CARNS1: variants seen among roughly 807,000 people sequenced by gnomAD.
CARNS1 encodes ATP-grasp domain containing 1.
A neutral mutation model predicts 74.0 loss-of-function variants in CARNS1; 61 were observed. That is an observed-to-expected ratio of 0.82 (90% CI 0.67 to 1.02). The LOEUF is 1.02. CARNS1 is among the 50% of genes least tolerant of loss of function. The pLI is 0.00. For synonymous variants in CARNS1, 568 were observed against 605.5 expected (o/e 0.94, Z 0.91); for missense variants, 1,278 against 1,308.4 (o/e 0.98, Z 0.36).
At position 67,419,848 on chromosome 11, in the gene CARNS1, G is replaced by T; in HGVS notation, c.1113+10G>T. 6.4e-7 allele frequency: 1 copy of T among 1,564,160 alleles called. No individual in the cohort carries two copies. Among genetic ancestry groups the T allele is most frequent in the South Asian group, 1.2e-5 (1 of 85,126 alleles). ...GCCACTGCTGAGCAAGGTGAGCGTG[G>T]CCCAGGCCCAGGCTGTGACCCTGCC... On this transcript the variant is annotated intron_variant, in intron 7 of 9. Transcript: ENST00000687366.
In CARNS1 at chr11:67,418,486, G is replaced by A. The variant is rs1482016734; in HGVS notation, c.330G>A (p.Leu110=). 9 of 1,509,242 alleles carry A rather than the reference G, an allele frequency of 6.0e-6. No homozygotes were observed. The East Asian group carries it at 1.7e-4, about 29-fold the overall frequency. 93.5% of individuals were successfully genotyped at this position (1,509,242 alleles called of 1,614,324 possible). ...LCVLGSPSTF[L]PVLLEGGVQS... is the part of the protein sequence containing the mutation. Reference sequence around the variant, plus strand: ...TTCTGGGCTCCCCCAGCACCTTTCTGCCTGTGCTGCTGGAGGGTGGGGTCC... The same window carrying A: ...TTCTGGGCTCCCCCAGCACCTTTCTACCTGTGCTGCTGGAGGGTGGGGTCC... The change falls in exon 4 of 10, where the codon CTG becomes CTA. Residue 110 remains leucine, a synonymous_variant. Coordinates refer to ENST00000687366, the MANE Select transcript of CARNS1 (RefSeq NM_001166222.2).
chr11:67,416,219 C>T lies in CARNS1; in HGVS notation c.3+17C>T, dbSNP rs1233944758. 3.3e-6 allele frequency: 5 copies of T among 1,536,562 alleles called. No homozygotes were observed. The highest frequency in any genetic ancestry group is 1.4e-5 in the African/African-American group (1 of 73,014). ...CACGAGATGGTGAGTCTTCTGTGGT[C>T]CCTCCCCCACAAGGCCCAAGTCCCT... is the stretch of plus-strand genomic sequence containing the variant. On this transcript the variant is annotated intron_variant, in intron 2 of 9. Coordinates refer to ENST00000687366, the MANE Select transcript of CARNS1 (RefSeq NM_001166222.2).
At position 67,424,642 on chromosome 11, in the gene CARNS1, C is replaced by G; in HGVS notation, c.*41C>G. ...GCAGGGAAGCAGTGCTGGGTGGAGGCACTGTGGTGCCCTCTGCTCCCTGGA... is the reference window on the plus strand; with the variant it reads ...GCAGGGAAGCAGTGCTGGGTGGAGGGACTGTGGTGCCCTCTGCTCCCTGGA... On this transcript the variant is annotated 3_prime_UTR_variant, in exon 10 of 10. Transcript: ENST00000687366. 5.1e-6 allele frequency: 8 copies of G among 1,554,714 alleles called. No homozygotes were observed. The highest frequency in any genetic ancestry group is 6.9e-6 in the Non-Finnish European group (8 of 1,151,604).
Position 67,423,481 on chromosome 11 carries a change from T to A in CARNS1, c.1733T>A (p.Leu578Gln). 3 of 1,614,064 alleles carry A rather than the reference T, an allele frequency of 1.9e-6. No homozygotes were observed. Among genetic ancestry groups the A allele is most frequent in the Non-Finnish European group, 2.5e-6 (3 of 1,179,896 alleles). ...EHRRDEENAR[L>Q]LAELVRARGL... ...CGGAGGGATGAGGAGAACGCACGGC[T>A]GCTGGCAGAGTTGGTGCGGGCTCGC... is the stretch of plus-strand genomic sequence containing the variant. The change falls in exon 10 of 10, where the codon CTG (leucine) becomes CAG (glutamine). Residue 578 changes from leucine to glutamine, a missense_variant. By Grantham distance (113) the Leu-to-Gln change is moderately radical. Around this residue, in one of 3 missense-constraint regions of CARNS1, gnomAD observed 1,164 missense variants for 1,156.5 expected, o/e 1.01. Coordinates refer to ENST00000687366, the MANE Select transcript of CARNS1 (RefSeq NM_001166222.2). The surrounding 1 kb of genome is among the most constrained non-coding windows in gnomAD (Gnocchi z 5.1).
At chr11:67,421,356 C>A in intron 9 of CARNS1, 137 bp downstream of exon 9, 1 of 1,023,612 alleles carries the variant, frequency 9.8e-7, no homozygotes, top group Non-Finnish European at 1.3e-6. Flanking sequence ...TTGGGCGGGG[C>A]ATCCTGGCCA....
In CARNS1 at chr11:67,421,028, G is replaced by A. The variant is rs1863682763; in HGVS notation, c.1435G>A (p.Ala479Thr). The stretch of plus-strand genomic sequence containing the variant: ...CGGCCTGTGTCTGGAGGCGTGCGGC[G>A]CGCTGGAGGGGCTGTGGGCCGCGCC... ...NGGLCLEACG[A>T]LEGLWAAPRL... Residue 479 changes from alanine (A) to threonine (T), a missense_variant, in exon 9 of 10, where the codon GCG (alanine) becomes ACG (threonine). Coordinates refer to ENST00000687366, the MANE Select transcript of CARNS1 (RefSeq NM_001166222.2). The A allele has an allele frequency of 1.5e-6, 2 of 1,366,002 alleles. No homozygotes were observed. Among genetic ancestry groups the A allele is most frequent in the South Asian group, 1.7e-5 (1 of 58,374 alleles). The allele number at this position is 1,366,002 out of a possible 1,614,324, so 84.6% of individuals were successfully genotyped here.
chr11:67,421,295 T>G, intron 9 of CARNS1, 76 bp downstream of exon 9: 1 of 1,340,320 alleles, frequency 7.5e-7, no homozygotes, highest in South Asian at 1.7e-5. Flanking sequence ...GGGCGGGGCC[T>G]GGAGCAAAGG....
chr11:67,418,359 GAGGTGGTGGA>G (rs550455121), intron 3 of CARNS1, 62 bp from the exon 4 acceptor site: 3 of 1,117,766 alleles, frequency 2.7e-6, no homozygotes, highest in Non-Finnish European at 3.6e-6. Context: ...CGTGGGTGTG[GAGGTGGTGGA>G]AGGTGGGCAG....
Position 67,416,546 on chromosome 11 carries a change from T to TTC in CARNS1, c.3+348_3+349dup, listed in dbSNP as rs1276849164. On this transcript the variant is annotated intron_variant, in intron 2 of 9. Transcript: ENST00000687366. Reference sequence around the variant, plus strand: ...ACACCATCTCCCAACAACCAAGAGATTCTCTTCGTCCCAGCCTCATCAGCC... The same window carrying TTC: ...ACACCATCTCCCAACAACCAAGAGATTCTCTCTTCGTCCCAGCCTCATCAGCC... The TTC allele has an allele frequency of 1.3e-5, 15 of 1,135,548 alleles. No homozygotes were observed. The African/African-American group carries it at 2.1e-4, about 16-fold the overall frequency. 70.3% of individuals were successfully genotyped at this position (1,135,548 alleles called of 1,614,324 possible). A position where few individuals can be genotyped will look rare whatever the true frequency, so the allele number is the denominator to read the frequency against.
chr11:67,420,898 G>A, intron 8 of CARNS1, 41 bp from the exon 9 acceptor site: 1 of 1,342,396 alleles, frequency 7.4e-7, no homozygotes, highest in Non-Finnish European at 9.5e-7. Flanking sequence ...CTGGAGGGCG[G>A]TGGCTGCCGT....
At chr11:67,420,460 G>A (rs7116138) in intron 7 of CARNS1, 149 bp from the exon 8 acceptor site, 1 of 433,516 alleles carries the variant, frequency 2.3e-6, no homozygotes, top group Non-Finnish European at 3.8e-6. Flanking sequence ...GTGGCAGGGA[G>A]AGCTCGTGTG....
At chr11:67,422,471 C>A (rs1174724288) in intron 9 of CARNS1, among the ~76,000 whole-genome samples, 1 of 152,134 alleles carries the variant, frequency 6.6e-6, no homozygotes, top group African/African-American at 2.4e-5. Context: ...GCGTGAGCCA[C>A]CAGCCCGGCC....
Position 67,419,114 on chromosome 11 carries a change from G to A in CARNS1, c.723G>A (p.Leu241=). 1.9e-6 allele frequency: 3 copies of A among 1,573,328 alleles called. No individual in the cohort carries two copies. The highest frequency in any genetic ancestry group is 2.3e-5 in the East Asian group (1 of 43,084). Reference sequence around the variant, plus strand: ...CTTTCACCTACAAGCCGCCGGGGCTGCTGCGGGGAGGGGATGCCAGCCTAG... The same window carrying A: ...CTTTCACCTACAAGCCGCCGGGGCTACTGCGGGGAGGGGATGCCAGCCTAG... ...TLAFTYKPPG[L]LRGGDASLGL... is the part of the protein sequence containing the mutation. The change falls in exon 5 of 10, where the codon CTG becomes CTA. Residue 241 remains leucine (L), a synonymous_variant. Transcript: ENST00000687366.
In CARNS1 at chr11:67,420,996, T is replaced by C. The variant is rs1022594070; in HGVS notation, c.1403T>C (p.Leu468Pro). ...GGVLTPVALE[L>P]NGGLCLEACG... ...GTGCTGACCCCAGTGGCCCTGGAGC[T>C]GAACGGCGGCCTGTGTCTGGAGGCG... The change falls in exon 9 of 10, where the codon CTG becomes CCG. Residue 468 changes from leucine (L) to proline (P), a missense_variant. By Grantham distance (98) the Leu-to-Pro change is moderately conservative. Transcript: ENST00000687366. 7.0e-7 allele frequency: 1 copy of C among 1,421,788 alleles called. No homozygotes were observed. Among genetic ancestry groups the C allele is most frequent in the Admixed American group, 2.8e-5 (1 of 35,398 alleles). 88.1% of individuals were successfully genotyped at this position (1,421,788 alleles called of 1,614,324 possible). A position where few individuals can be genotyped will look rare whatever the true frequency, so the allele number is the denominator to read the frequency against.
chr11:67,416,505 C>G lies in CARNS1; in HGVS notation c.3+303C>G, dbSNP rs1056862601. 3.4e-5 allele frequency: 42 copies of G among 1,248,940 alleles called. No individual in the cohort carries two copies. In the African/African-American group the frequency reaches 5.6e-4, roughly 17 times the overall value. 77.4% of individuals were successfully genotyped at this position (1,248,940 alleles called of 1,614,324 possible). On this transcript the variant is annotated intron_variant, in intron 2 of 9. Transcript: ENST00000687366. ...CCCAGGCATGAGGCCCAGTCCTCTG[C>G]CGTCTGGGCCACAGCACACCATCTC...
rs1863690964 is a variant in CARNS1, at chr11:67,421,178, A to C, written c.1585A>C (p.Lys529Gln). 6.7e-7 allele frequency: 1 copy of C among 1,496,492 alleles called. No individual in the cohort carries two copies. The highest frequency in any genetic ancestry group is 2.9e-5 in the East Asian group (1 of 34,564). The allele number at this position is 1,496,492 out of a possible 1,614,324, so 92.7% of individuals were successfully genotyped here. Residue 529 changes from lysine to glutamine, a missense_variant, in exon 9 of 10, where the codon AAG becomes CAG. Lys to Gln is a moderately conservative substitution (Grantham distance 53, BLOSUM62 1). Around this residue, in one of 3 missense-constraint regions of CARNS1, gnomAD observed 1,164 missense variants for 1,156.5 expected, o/e 1.01. Coordinates refer to ENST00000687366, the MANE Select transcript of CARNS1 (RefSeq NM_001166222.2). ...LLVVGAGGVS[K>Q]KFVWEAARDY... ...GGTGGTCGGCGCTGGCGGCGTCAGC[A>C]AGAAGTTCGTGTGGGAGGCGGCGCG...
chr11:67,416,052 CCT>C (rs1204406572), intron 1 of CARNS1, 122 bp from the exon 2 acceptor site: 21 of 697,168 alleles, frequency 3.0e-5, no homozygotes, highest in Non-Finnish European at 4.9e-5. Flanking sequence ...GCTGCCTTGG[CCT>C]CTCTCTGCAG....
Position 67,419,132 on chromosome 11 carries a change from C to T in CARNS1, c.741C>T (p.Ala247=). Reference sequence around the variant, plus strand: ...CGGGGCTGCTGCGGGGAGGGGATGCCAGCCTAGGGCTACGGCTGGTGGAGC... The same window carrying T: ...CGGGGCTGCTGCGGGGAGGGGATGCTAGCCTAGGGCTACGGCTGGTGGAGC... The part of the protein sequence containing the change: ...KPPGLLRGGD[A]SLGLRLVELS... The change falls in exon 5 of 10, where the codon GCC becomes GCT. Residue 247 remains alanine, a synonymous_variant. Coordinates refer to ENST00000687366, the MANE Select transcript of CARNS1 (RefSeq NM_001166222.2). 1 of 1,572,816 alleles carries T rather than the reference C, an allele frequency of 6.4e-7. No individual in the cohort carries two copies. The highest frequency in any genetic ancestry group is 1.7e-4 in the Middle Eastern group (1 of 5,898).
At position 67,424,516 on chromosome 11, in the gene CARNS1, G is replaced by T; in HGVS notation, c.2768G>T (p.Arg923Leu). The change falls in exon 10 of 10, where the codon CGT becomes CTT. Residue 923 changes from arginine to leucine, a missense_variant. Around this residue, in one of 3 missense-constraint regions of CARNS1, gnomAD observed 1,164 missense variants for 1,156.5 expected, o/e 1.01. Coordinates refer to ENST00000687366, the MANE Select transcript of CARNS1 (RefSeq NM_001166222.2). The stretch of plus-strand genomic sequence containing the variant: ...GCCGGACCCAGCCCCACCGAGGCCC[G>T]TCTCCGCCTGCTGGGCCTCTGCCAG... ...ACAGPSPTEA[R>L]LRLLGLCQGL... 1 of 1,594,226 alleles carries T rather than the reference G, an allele frequency of 6.3e-7. No individual in the cohort carries two copies. Among genetic ancestry groups the T allele is most frequent in the Non-Finnish European group, 8.5e-7 (1 of 1,172,092 alleles).
Sources: allele counts gnomAD v4.1 joint callset (sites outside exome capture counted in the v4.1 genomes callset), GRCh38; gene constraint gnomAD v4.1.1; regional missense constraint gnomAD v4.1.1; non-coding constraint Gnocchi (gnomAD v3.1); transcripts MANE v1.5; gene names NCBI Gene and HGNC (gene_info 2026-07-23, HGNC 2026-07-21).